MYRIP: variants seen among roughly 807,000 people sequenced by gnomAD.
MYRIP encodes myosin VIIA and Rab interacting protein.
MYRIP carries 49 observed loss-of-function variants against 98.0 expected under a neutral mutation model. The ratio of observed to expected loss-of-function variants is 0.50; its 90% confidence interval spans 0.40 to 0.63. MYRIP has a LOEUF of 0.63. MYRIP is among the 30% of genes least tolerant of loss of function. The pLI, the probability that MYRIP is intolerant of heterozygous loss-of-function variation, is 0.00. For missense variants in MYRIP, 1,004 were observed against 1,058.2 expected (o/e 0.95, Z 0.71); for synonymous variants, 404 against 409.5 (o/e 0.99, Z 0.16).
At chr3:40,063,845 T>C (rs9863161) in intron 3 of MYRIP, among the ~76,000 whole-genome samples, 43,849 of 151,846 alleles carry the variant, frequency 0.29, 6,390 homozygotes, top group East Asian at 0.36. Flanking sequence ...GGTCTGTGCA[T>C]GGGTGGTTGT....
chr3:40,182,434 T>C, intron 9 of MYRIP, 61 bp downstream of exon 9: 3 of 1,546,266 alleles, frequency 1.9e-6, no homozygotes, highest in Admixed American at 1.8e-5. Context: ...TTTGGAGACA[T>C]CTTGGCTATT....
At chr3:40,225,073 T>G (rs368303621) in intron 11 of MYRIP, among the ~76,000 whole-genome samples, 1 of 152,212 alleles carries the variant, frequency 6.6e-6, no homozygotes, top group African/African-American at 2.4e-5. Context: ...GAAAAATACA[T>G]GAAATCAAGG....
intron 2 of MYRIP, among the ~76,000 whole-genome samples, chr3:40,039,113 T>C (rs1476223228): frequency 6.6e-6 from 1 of 152,056 alleles, no homozygotes; most frequent in Non-Finnish European, 1.5e-5. Context: ...TCCACTACCC[T>C]TAAACCATTG....
chr3:40,113,202 G>A (rs1949197127), intron 3 of MYRIP, among the ~76,000 whole-genome samples: 1 of 152,206 alleles, frequency 6.6e-6, no homozygotes, highest in Admixed American at 6.5e-5. Context: ...GGAGTGCAGT[G>A]GTGCGATCTT....
intron 3 of MYRIP, among the ~76,000 whole-genome samples, chr3:40,091,194 C>G (rs899781453): frequency 2.8e-4 from 42 of 152,186 alleles, no homozygotes; most frequent in African/African-American, 9.6e-4. Context: ...AGCTGAGCCA[C>G]TGAAGGGGTC....
intron 2 of MYRIP, among the ~76,000 whole-genome samples, chr3:39,932,206 A>T (rs1388514243): frequency 6.6e-6 from 1 of 152,008 alleles, no homozygotes; most frequent in Non-Finnish European, 1.5e-5. Context: ...CCATTCCAAA[A>T]CTCTTGTCTT....
intron 3 of MYRIP, among the ~76,000 whole-genome samples, chr3:40,079,052 C>T (rs1948417239): frequency 6.6e-6 from 1 of 152,140 alleles, no homozygotes; most frequent in African/African-American, 2.4e-5. Flanking sequence ...GGGGAAAGGA[C>T]TAGATTTCCT....
chr3:39,986,491 C>A (rs1946036020), intron 2 of MYRIP, among the ~76,000 whole-genome samples: 1 of 151,750 alleles, frequency 6.6e-6, no homozygotes, highest in Admixed American at 6.6e-5. Context: ...TCTCAACTTC[C>A]CTAAGAGCAT....
intron 2 of MYRIP, among the ~76,000 whole-genome samples, chr3:40,034,252 C>T (rs896288741): frequency 1.3e-5 from 2 of 152,038 alleles, no homozygotes; most frequent in African/African-American, 4.8e-5. Context: ...AGCTTCTGCA[C>T]AGCAAAAGAA....
chr3:40,111,579 T>TA (rs1367965274), intron 3 of MYRIP, among the ~76,000 whole-genome samples: 2 of 152,044 alleles, frequency 1.3e-5, no homozygotes. Flanking sequence ...GATGAGTAAT[T>TA]AAGGATGCTG....
rs1238856090 is a variant in MYRIP, at chr3:40,251,880, G to C, written c.2429-1G>C. ...ATTTTTTCCCATTTATTTCCTTTTA[G>C]CTGAAAAAATTGAGACATCTTCAGT... On this transcript the variant is annotated splice_acceptor_variant, in intron 15 of 16. Coordinates refer to ENST00000302541, the MANE Select transcript of MYRIP (RefSeq NM_015460.4). LOFTEE classifies it high-confidence loss of function. 6.3e-7 allele frequency: 1 copy of C among 1,592,790 alleles called. No individual in the cohort carries two copies. Among genetic ancestry groups the C allele is most frequent in the African/African-American group, 1.3e-5 (1 of 74,282 alleles).
intron 11 of MYRIP, among the ~76,000 whole-genome samples, chr3:40,215,844 A>G (rs2125675635): frequency 6.6e-6 from 1 of 152,274 alleles, no homozygotes; most frequent in Middle Eastern, 3.4e-3. Flanking sequence ...TGAGGAATTA[A>G]CACCTCTTTC....
intron 3 of MYRIP, chr3:40,070,991 T>C (rs1292416511): frequency 8.8e-6 from 2 of 226,402 alleles, no homozygotes; most frequent in Non-Finnish European, 1.5e-5. Context: ...TGGCTCCCCA[T>C]GCCTGGGTGA....
chr3:40,097,978 A>G (rs542192390), intron 3 of MYRIP, among the ~76,000 whole-genome samples: 1 of 152,302 alleles, frequency 6.6e-6, no homozygotes, highest in South Asian at 2.1e-4. Context: ...TTCTCTGTCA[A>G]AGCAACCCTG....
intron 11 of MYRIP, among the ~76,000 whole-genome samples, chr3:40,210,385 G>A (rs1559455479): frequency 6.6e-6 from 1 of 152,080 alleles, no homozygotes; most frequent in Admixed American, 6.5e-5. Flanking sequence ...CCCTCTCACT[G>A]GTAAAAATCA....
At chr3:39,962,931 G>C (rs1343762401) in intron 2 of MYRIP, among the ~76,000 whole-genome samples, 2 of 152,084 alleles carry the variant, frequency 1.3e-5, no homozygotes, top group African/African-American at 4.8e-5. Context: ...TTTCAATTTA[G>C]TTTTATATTT....
intron 3 of MYRIP, among the ~76,000 whole-genome samples, chr3:40,130,303 T>C (rs991881827): frequency 2.6e-5 from 4 of 152,198 alleles, no homozygotes; most frequent in African/African-American, 9.6e-5. Context: ...CATTTATACC[T>C]GCAATATACC....
chr3:40,091,825 CA>C (rs767794680), intron 3 of MYRIP, among the ~76,000 whole-genome samples: 1 of 152,156 alleles, frequency 6.6e-6, no homozygotes, highest in Non-Finnish European at 1.5e-5. Context: ...AGAATTCAAA[CA>C]AGATAAATGC....
chr3:39,867,036 T>C (rs533576686), intron 1 of MYRIP, among the ~76,000 whole-genome samples: 2 of 152,238 alleles, frequency 1.3e-5, no homozygotes, highest in South Asian at 4.1e-4. Flanking sequence ...CATATATAGA[T>C]AACTAATACC....
Sources: gnomAD v4.1 joint callset for allele counts (sites outside exome capture counted in the v4.1 genomes callset) on GRCh38, gnomAD v4.1.1 for gene constraint, MANE v1.5 for transcripts, NCBI Gene and HGNC (gene_info 2026-07-23, HGNC 2026-07-21) for gene names.